IL19: variants seen among roughly 807,000 people sequenced by gnomAD.
IL19 encodes the protein interleukin 19.
Under a neutral mutation model 19.5 loss-of-function variants are expected in IL19, and 15 were observed. The ratio of observed to expected loss-of-function variants is 0.77; its 90% CI spans 0.52 to 1.19. The LOEUF (loss-of-function observed/expected upper bound fraction) is 1.19. Ranked by LOEUF, IL19 falls within the 50% of genes most tolerant of loss-of-function variation. The pLI is 0.00. For missense variants in IL19, 199 were observed against 213.1 expected, an observed-to-expected ratio of 0.93 and a Z score of 0.41; for synonymous variants, 78 against 78.3, an observed-to-expected ratio of 1.00 and a Z score of 0.02.
intron 2 of IL19, among the ~76,000 whole-genome samples, chr1:206,815,921 C>T (rs576177665): frequency 3.3e-5 from 5 of 152,170 alleles, no homozygotes; most frequent in African/African-American, 9.6e-5. Flanking sequence ...TTGTTTCCTT[C>T]GACATTTTTT....
At chr1:206,838,253 C>T (rs1450980920) in intron 4 of IL19, among the ~76,000 whole-genome samples, 4 of 152,174 alleles carry the variant, frequency 2.6e-5, no homozygotes, top group Non-Finnish European at 4.4e-5. Flanking sequence ...CAAAAAGGCC[C>T]ATGAGAGATG....
rs551857869 is a variant in IL19 at position 206,790,660 on chromosome 1, G to A, written c.-148-8201G>A. 3.9e-5 allele frequency among the ~76,000 whole-genome samples: 6 copies of A among 152,248 alleles called. No individual in the cohort carries two copies. The South Asian group carries it at 6.2e-4, about 16-fold the overall frequency. On this transcript the variant is annotated intron_variant, in intron 1 of 6. Coordinates refer to ENST00000659997, the MANE Select transcript of IL19 (RefSeq NM_153758.5). The stretch of plus-strand genomic sequence containing the variant: ...CATTTTGGTGGAGACAGACTCTGAC[G>A]CAAGTTTAAGGCTCTGGCAGGTGTC...
chr1:206,792,268 T>G (rs1675425809), intron 1 of IL19, among the ~76,000 whole-genome samples: 1 of 152,184 alleles, frequency 6.6e-6, no homozygotes, highest in African/African-American at 2.4e-5. Context: ...CCTAAATTCC[T>G]TAACCATCTT....
intron 1 of IL19, among the ~76,000 whole-genome samples, chr1:206,787,422 T>C (rs975899481): frequency 2.4e-4 from 36 of 152,370 alleles, no homozygotes; most frequent in African/African-American, 7.7e-4. Flanking sequence ...ATTTCATCCC[T>C]GTGGACTGGA....
chr1:206,818,331 T>C (rs189858013), intron 2 of IL19, among the ~76,000 whole-genome samples: 37 of 152,356 alleles, frequency 2.4e-4, no homozygotes, highest in African/African-American at 8.7e-4. Flanking sequence ...AATTGCGGCA[T>C]AGCCATATAA....
intron 1 of IL19, among the ~76,000 whole-genome samples, chr1:206,781,904 C>CATATATATGTATATAGTT (rs1675145597): frequency 8.3e-6 from 1 of 120,174 alleles, no homozygotes; most frequent in African/African-American, 3.7e-5. Context: ...GTTATATATA[C>CATATATATGTATATAGTT]ATATATATGT....
intron 1 of IL19, chr1:206,772,292 G>T (rs745923816): frequency 6.2e-7 from 1 of 1,614,168 alleles, no homozygotes; most frequent in Non-Finnish European, 8.5e-7. Flanking sequence ...TCACTCTGCT[G>T]AAGGCATCTC....
At chr1:206,781,465 A>G (rs1675129610) in intron 1 of IL19, among the ~76,000 whole-genome samples, 1 of 149,344 alleles carries the variant, frequency 6.7e-6, no homozygotes, top group African/African-American at 2.5e-5. Context: ...AAAGAGAGAG[A>G]GGAGGAAGTT....
intron 6 of IL19, among the ~76,000 whole-genome samples, chr1:206,841,713 G>A (rs537470194): frequency 4.6e-5 from 7 of 152,182 alleles, no homozygotes; most frequent in Non-Finnish European, 1.0e-4. Flanking sequence ...TCTTTGTGGA[G>A]AGACTCTGTA....
chr1:206,830,085 GT>G lies in IL19; in HGVS notation c.-2-6574del, dbSNP rs532152873. ...GGCTTGAGGTTCCTCACAAGTCTAG[GT>G]TCCTTTCCACTCTACCTAATCCTAG... On this transcript the variant is annotated intron_variant, in intron 2 of 6. Transcript: ENST00000659997. 1.8e-3 allele frequency among the ~76,000 whole-genome samples: 267 copies of G among 152,288 alleles called. 1 individual carries two copies. Among genetic ancestry groups the G allele is most frequent in the African/African-American group, 6.2e-3 (256 of 41,550 alleles).
At chr1:206,828,323 G>A (rs1175297530) in intron 2 of IL19, among the ~76,000 whole-genome samples, 2 of 152,200 alleles carry the variant, frequency 1.3e-5, no homozygotes, top group Non-Finnish European at 2.9e-5. Flanking sequence ...CCTTTAGTGA[G>A]CACATCTGCA....
Position 206,836,589 on chromosome 1 carries a change from G to A in IL19, c.-2-72G>A, listed in dbSNP as rs57740032. 5.6e-4 allele frequency: 781 copies of A among 1,404,076 alleles called. 2 individuals are homozygous for A. In the African/African-American group the frequency reaches 9.9e-3, roughly 18 times the overall value. The allele number at this position is 1,404,076 out of a possible 1,614,324, so 87.0% of individuals were successfully genotyped here. On this transcript the variant is annotated intron_variant, in intron 2 of 6. Transcript: ENST00000659997. The stretch of plus-strand genomic sequence containing the variant: ...CTTGCCTTCGAGGCTGGAAAGGAGC[G>A]TCAATCAGGGGTCTTCTTTTTCATT...
chr1:206,786,394 A>G (rs1675270578), intron 1 of IL19, among the ~76,000 whole-genome samples: 1 of 152,122 alleles, frequency 6.6e-6, no homozygotes, highest in African/African-American at 2.4e-5. Context: ...GAAATGACTG[A>G]ACATCCAAAG....
chr1:206,832,433 C>A (rs1253230194), intron 2 of IL19, among the ~76,000 whole-genome samples: 1 of 152,204 alleles, frequency 6.6e-6, no homozygotes, highest in African/African-American at 2.4e-5. Flanking sequence ...CTCCATGGAA[C>A]CTCATTCCCA....
chr1:206,809,999 C>T (rs1675959102), intron 2 of IL19, among the ~76,000 whole-genome samples: 1 of 152,222 alleles, frequency 6.6e-6, no homozygotes, highest in Non-Finnish European at 1.5e-5. Flanking sequence ...AGACCCATCC[C>T]AACCTCTCTT....
intron 2 of IL19, among the ~76,000 whole-genome samples, chr1:206,801,169 TAAAA>T (rs56281649): frequency 6.9e-6 from 1 of 144,854 alleles, no homozygotes; most frequent in African/African-American, 2.5e-5. Context: ...ATTCGTAGTT[TAAAA>T]AAAAAAAAAA....
Position 206,792,358 on chromosome 1 carries a change from A to T in IL19, c.-148-6503A>T, listed in dbSNP as rs1243785100. Among the ~76,000 whole-genome samples the T allele has an allele frequency of 2.0e-5, 3 of 152,130 alleles. No individual in the cohort carries two copies. In the East Asian group the frequency reaches 5.8e-4, roughly 29 times the overall value. On this transcript the variant is annotated intron_variant, in intron 1 of 6. Transcript: ENST00000659997. ...AGGCTGTATTTATGAGCAGTGATGG[A>T]TGCTCCCTGACAGGGCCACCCTAGA...
chr1:206,773,651 T>C (rs1205194012), intron 1 of IL19, among the ~76,000 whole-genome samples: 2 of 141,420 alleles, frequency 1.4e-5, no homozygotes, highest in African/African-American at 5.2e-5. Flanking sequence ...GGGGAGCCAG[T>C]TGGGTTGCGG....
intron 2 of IL19, among the ~76,000 whole-genome samples, chr1:206,825,047 C>A (rs745518396): frequency 6.6e-6 from 1 of 152,164 alleles, no homozygotes; most frequent in Non-Finnish European, 1.5e-5. Flanking sequence ...TGAGCCACTG[C>A]GCCAGGCCCC....
Sources: gnomAD v4.1 joint callset for allele counts (sites outside exome capture counted in the v4.1 genomes callset) on GRCh38, gnomAD v4.1.1 for gene constraint, MANE v1.5 for transcripts, NCBI Gene and HGNC (gene_info 2026-07-23, HGNC 2026-07-21) for gene names.